Variants in APLF observed in about 807,000 individuals in gnomAD.
The protein encoded by APLF is aprataxin and PNKP like factor.
Under a neutral mutation model 55.6 loss-of-function variants are expected in APLF, and 61 were observed. The ratio of observed to expected loss-of-function variants is 1.10; its 90% CI spans 0.89 to 1.36. APLF has a LOEUF of 1.36. APLF is among the 40% of genes most tolerant of loss of function. APLF has a pLI of 0.00. For synonymous variants in APLF, 207 were observed against 214.8 expected (o/e 0.96, Z 0.32); for missense variants, 611 against 602.5 (o/e 1.01, Z -0.15).
chr2:68,520,983 A>G (rs180935240), intron 5 of APLF, among the ~76,000 whole-genome samples: 96 of 152,014 alleles, frequency 6.3e-4, no homozygotes, highest in African/African-American at 2.2e-3. Flanking sequence ...TGTGTCATCT[A>G]TGATTTCTTT....
intron 8 of APLF, among the ~76,000 whole-genome samples, chr2:68,552,185 A>G (rs866586937): frequency 6.6e-6 from 1 of 152,024 alleles, no homozygotes; most frequent in Non-Finnish European, 1.5e-5. Context: ...CTCCAGTGGG[A>G]CTTTGTCTCT....
rs887028596 is a variant in APLF, at chr2:68,576,616, C to T, written c.1334-1204C>T. Among the ~76,000 whole-genome samples the T allele has an allele frequency of 3.3e-5, 5 of 152,142 alleles. No individual in the cohort carries two copies. The South Asian group carries it at 1.0e-3, about 32-fold the overall frequency. On this transcript the variant is annotated intron_variant, in intron 9 of 9. Transcript: ENST00000303795. Reference sequence around the variant, plus strand: ...TTTATTAGCATTTTATTATTATAAGCTGTCTCAAATCCTTTCTGGAATGCG... The same window carrying T: ...TTTATTAGCATTTTATTATTATAAGTTGTCTCAAATCCTTTCTGGAATGCG...
At chr2:68,526,276 T>C (rs1267084376) in intron 6 of APLF, 34 bp downstream of exon 6, 1 of 1,581,446 alleles carries the variant, frequency 6.3e-7, no homozygotes, top group Admixed American at 1.8e-5. Flanking sequence ...TGATTGTTTT[T>C]TTGTTAGGTG....
intron 7 of APLF, among the ~76,000 whole-genome samples, chr2:68,540,586 G>A (rs571588477): frequency 3.2e-4 from 48 of 152,182 alleles, no homozygotes; most frequent in African/African-American, 9.9e-4. Flanking sequence ...GAATTGTCAC[G>A]CTATCTTCCA....
At chr2:68,567,786 T>G (rs1410226742) in intron 9 of APLF, among the ~76,000 whole-genome samples, 1 of 152,106 alleles carries the variant, frequency 6.6e-6, no homozygotes, top group Non-Finnish European at 1.5e-5. Flanking sequence ...TTTTCCTTCA[T>G]TCTGTCTTTA....
intron 8 of APLF, among the ~76,000 whole-genome samples, chr2:68,549,715 G>A (rs1293093689): frequency 6.6e-6 from 1 of 152,034 alleles, no homozygotes; most frequent in East Asian, 1.9e-4. Context: ...TTTTTTTCCT[G>A]TGGTGGTTCT....
At chr2:68,500,322 T>C (rs1676681767) in intron 2 of APLF, among the ~76,000 whole-genome samples, 1 of 152,216 alleles carries the variant, frequency 6.6e-6, no homozygotes, top group Admixed American at 6.5e-5. Context: ...TCATGGACCA[T>C]ACTCATGGGT....
intron 5 of APLF, among the ~76,000 whole-genome samples, chr2:68,518,873 T>C (rs1669778416): frequency 7.9e-6 from 1 of 126,204 alleles, no homozygotes; most frequent in Non-Finnish European, 1.6e-5. Flanking sequence ...CATTAATATG[T>C]AATAAAATAT....
rs943521573 is a variant in APLF, at chr2:68,506,879, G to A, written c.341+3976G>A. On this transcript the variant is annotated intron_variant, in intron 3 of 9. Transcript: ENST00000303795. Reference sequence around the variant, plus strand: ...ATAAATCTCCCTACCATAATGTTGAGGGAAAAAACCCAAAAAGGTTATAAA... The same window carrying A: ...ATAAATCTCCCTACCATAATGTTGAAGGAAAAAACCCAAAAAGGTTATAAA... Among the ~76,000 whole-genome samples the A allele has an allele frequency of 3.3e-5, 5 of 151,656 alleles. No homozygotes were observed. The East Asian group carries it at 9.7e-4, about 29-fold the overall frequency.
chr2:68,529,032 T>G lies in APLF; in HGVS notation c.804+2790T>G, dbSNP rs866075228. The stretch of plus-strand genomic sequence containing the variant: ...GCCCTCACCTCCATTTTCGGGAGCC[T>G]GGCTGGGATCACCTGCTCATCTAAT... On this transcript the variant is annotated intron_variant, in intron 6 of 9. Transcript: ENST00000303795. The surrounding 1 kb of genome is among the most constrained non-coding windows in gnomAD (Gnocchi z 4.4). 2 of 1,489,962 alleles carry G rather than the reference T, an allele frequency of 1.3e-6. No individual in the cohort carries two copies. The highest frequency in any genetic ancestry group is 1.4e-5 in the African/African-American group (1 of 72,110). The allele number at this position is 1,489,962 out of a possible 1,614,324, so 92.3% of individuals were successfully genotyped here. A position where few individuals can be genotyped will look rare whatever the true frequency, so the allele number is the denominator to read the frequency against.
chr2:68,505,194 C>T (rs571543306), intron 3 of APLF, among the ~76,000 whole-genome samples: 27 of 152,086 alleles, frequency 1.8e-4, no homozygotes, highest in African/African-American at 5.5e-4. Context: ...ATGTATGAAG[C>T]GTGCTATTTA....
At chr2:68,477,512 A>C (rs577899565) in intron 1 of APLF, among the ~76,000 whole-genome samples, 1 of 151,964 alleles carries the variant, frequency 6.6e-6, no homozygotes, top group East Asian at 1.9e-4. Flanking sequence ...ATGGTGGTAC[A>C]TGCCTGTAAT....
chr2:68,513,492 T>C (rs1669471451), intron 4 of APLF, 56 bp from the exon 5 acceptor site: 1 of 1,579,338 alleles, frequency 6.3e-7, no homozygotes, highest in Non-Finnish European at 8.6e-7. Context: ...GCAGATATTT[T>C]GCAAATTCAT....
intron 1 of APLF, among the ~76,000 whole-genome samples, chr2:68,486,627 A>G (rs1294040930): frequency 6.6e-6 from 1 of 152,112 alleles, no homozygotes; most frequent in Admixed American, 6.5e-5. Context: ...TCTCTCTTAC[A>G]TGTAAGTTAA....
rs114622001 is a variant in APLF at position 68,483,547 on chromosome 2, A to G, written c.97-6643A>G. Among the ~76,000 whole-genome samples the G allele has an allele frequency of 6.6e-3, 1,006 of 152,262 alleles. 11 individuals are homozygous for G. The highest frequency in any genetic ancestry group is 0.023 in the African/African-American group (958 of 41,532). ...GTTTGGGTCCCTTTTTGGGGGGCAA[A>G]GGCACGCATTGGGCACCTCTAGTCA... On this transcript the variant is annotated intron_variant, in intron 1 of 9. Coordinates refer to ENST00000303795, the MANE Select transcript of APLF (RefSeq NM_173545.3).
chr2:68,530,789 G>A (rs1159077993), intron 6 of APLF, among the ~76,000 whole-genome samples: 8 of 152,174 alleles, frequency 5.3e-5, no homozygotes, highest in African/African-American at 1.9e-4. Flanking sequence ...AGGGAAACAT[G>A]TATGAAAAAC....
intron 2 of APLF, among the ~76,000 whole-genome samples, chr2:68,494,709 T>A (rs929410988): frequency 6.6e-6 from 1 of 152,176 alleles, no homozygotes; most frequent in Admixed American, 6.5e-5. Flanking sequence ...TGTGTCCATG[T>A]GTTCTCATCA....
chr2:68,541,800 T>G (rs942471618), intron 7 of APLF, among the ~76,000 whole-genome samples: 1 of 152,098 alleles, frequency 6.6e-6, no homozygotes, highest in Non-Finnish European at 1.5e-5. Flanking sequence ...ATAGAAAAAA[T>G]TATTCTAAAA....
At position 68,529,036 on chromosome 2, in the gene APLF, T is replaced by G; in HGVS notation, c.804+2794T>G. On this transcript the variant is annotated intron_variant, in intron 6 of 9. Coordinates refer to ENST00000303795, the MANE Select transcript of APLF (RefSeq NM_173545.3). This position sits in a 1 kb window ranked among gnomAD's most constrained non-coding sequence, Gnocchi z 4.4. ...TCACCTCCATTTTCGGGAGCCTGGC[T>G]GGGATCACCTGCTCATCTAATGAAG... 3 of 1,483,484 alleles carry G rather than the reference T, an allele frequency of 2.0e-6. No homozygotes were observed. The highest frequency in any genetic ancestry group is 2.7e-6 in the Non-Finnish European group (3 of 1,098,758). 91.9% of individuals were successfully genotyped at this position (1,483,484 alleles called of 1,614,324 possible). A position where few individuals can be genotyped will look rare whatever the true frequency, so the allele number is the denominator to read the frequency against.
Sources: gnomAD v4.1 joint callset for allele counts (sites outside exome capture counted in the v4.1 genomes callset) on GRCh38, gnomAD v4.1.1 for gene constraint, Gnocchi (gnomAD v3.1) non-coding constraint, MANE v1.5 for transcripts, NCBI Gene and HGNC (gene_info 2026-07-23, HGNC 2026-07-21) for gene names.